Variants in PYGL observed in about 807,000 individuals in gnomAD.
PYGL encodes glycogen phosphorylase L, also known as glycogen phosphorylase, liver form.
A neutral mutation model predicts 100.1 loss-of-function variants in PYGL; 90 were observed. That is an observed-to-expected ratio of 0.90 (90% confidence interval 0.76 to 1.07). PYGL has a LOEUF of 1.07. Among genes scored for constraint, PYGL ranks in the 50% least tolerant of loss-of-function variants. The pLI, the probability that PYGL is intolerant of heterozygous loss-of-function variation, is 0.00. For synonymous variants in PYGL, 373 were observed against 393.0 expected (o/e 0.95, Z 0.60); for missense variants, 1,016 against 1,057.6 (o/e 0.96, Z 0.55).
At chr14:50,926,323 C>T (rs954418691) in intron 4 of PYGL, among the ~76,000 whole-genome samples, 2 of 151,780 alleles carry the variant, frequency 1.3e-5, no homozygotes, top group Non-Finnish European at 2.9e-5. Flanking sequence ...TGTACTCCAC[C>T]CTGGGTGACA....
intron 16 of PYGL, among the ~76,000 whole-genome samples, chr14:50,910,452 T>C (rs77549800): frequency 0.094 from 14,330 of 152,110 alleles, 870 homozygotes; most frequent in African/African-American, 0.18. Flanking sequence ...TTGAAATTTC[T>C]CTTTTTTTCT....
At chr14:50,920,169 C>T (rs887402523) in intron 7 of PYGL, among the ~76,000 whole-genome samples, 3 of 152,082 alleles carry the variant, frequency 2.0e-5, no homozygotes, top group Non-Finnish European at 4.4e-5. Flanking sequence ...AGAGAAGAGG[C>T]GAGGCAGAAA....
chr14:50,905,667 T>C (rs2050327393), intron 19 of PYGL, 111 bp from the exon 20 acceptor site: 1 of 992,440 alleles, frequency 1.0e-6, no homozygotes, highest in African/African-American at 1.6e-5. Flanking sequence ...ATGACAGGAA[T>C]AAATTATAGT....
intron 1 of PYGL, among the ~76,000 whole-genome samples, chr14:50,939,888 C>T (rs2050688956): frequency 1.3e-5 from 2 of 152,122 alleles, no homozygotes; most frequent in South Asian, 4.1e-4. Context: ...TATTTGAAAA[C>T]GTCAACTTGG....
At chr14:50,921,275 GACTGAAACCATCCAC>G (rs1185313389) in intron 5 of PYGL, 5 of 578,790 alleles carry the variant, frequency 8.6e-6, no homozygotes, top group Non-Finnish European at 1.5e-5. Flanking sequence ...ACAATCTAGT[GACTGAAACCATCCAC>G]ACTGATGGTC....
chr14:50,924,176 A>T, intron 4 of PYGL, 76 bp from the exon 5 acceptor site: 1 of 1,512,582 alleles, frequency 6.6e-7, no homozygotes, highest in Non-Finnish European at 9.0e-7. Flanking sequence ...ATATTATATT[A>T]AATTTAAAAC....
chr14:50,936,309 C>CA (rs2050652773), intron 2 of PYGL, among the ~76,000 whole-genome samples: 1 of 151,868 alleles, frequency 6.6e-6, no homozygotes, highest in African/African-American at 2.4e-5. Context: ...GTTGTGCCCC[C>CA]GTTTCCATGG....
intron 4 of PYGL, among the ~76,000 whole-genome samples, chr14:50,931,157 C>CT (rs1491083073): frequency 2.2e-5 from 3 of 134,886 alleles, no homozygotes; most frequent in African/African-American, 9.4e-5. Flanking sequence ...AGGCAAGACT[C>CT]TGAGTGTAGA....
At chr14:50,909,790 T>C (rs1367831622) in intron 17 of PYGL, 105 bp downstream of exon 17, 5 of 1,308,708 alleles carry the variant, frequency 3.8e-6, no homozygotes, top group African/African-American at 1.5e-5. Flanking sequence ...TCTTATGTGA[T>C]CCAATTTCAG....
rs543404106 is a variant in PYGL at position 50,938,723 on chromosome 14, A to C, written c.244-886T>G. ...TTGGCGAAGTAATTCAGTATTTTTTACCCCCGGGGAGAAAAAAAGCAAACT... is the reference window on the plus strand; with the variant it reads ...TTGGCGAAGTAATTCAGTATTTTTTCCCCCCGGGGAGAAAAAAAGCAAACT... On this transcript the variant is annotated intron_variant, in intron 1 of 19. Transcript: ENST00000216392. Among the ~76,000 whole-genome samples the C allele has an allele frequency of 1.7e-3, 251 of 151,882 alleles. 1 individual carries two copies. Among genetic ancestry groups the C allele is most frequent in the African/African-American group, 5.7e-3 (236 of 41,390 alleles).
At chr14:50,940,469 G>A (rs1212742875) in intron 1 of PYGL, among the ~76,000 whole-genome samples, 4 of 152,202 alleles carry the variant, frequency 2.6e-5, no homozygotes, top group Admixed American at 2.0e-4. Flanking sequence ...ATATGTGGTT[G>A]CTCAGAATAA....
chr14:50,921,289 A>G (rs1374111622), intron 5 of PYGL: 4 of 565,598 alleles, frequency 7.1e-6, no homozygotes, highest in Admixed American at 3.0e-5. Flanking sequence ...GAAACCATCC[A>G]CACTGATGGT....
At chr14:50,929,251 C>T (rs2050582096) in intron 4 of PYGL, among the ~76,000 whole-genome samples, 1 of 152,150 alleles carries the variant, frequency 6.6e-6, no homozygotes, top group Admixed American at 6.5e-5. Flanking sequence ...GGGGGTTTCA[C>T]CATGTTGGCT....
Position 50,937,728 on chromosome 14 carries a change from C to T in PYGL, c.345+8G>A, listed in dbSNP as rs372521418. On this transcript the variant is annotated splice_region_variant and intron_variant, in intron 2 of 19. Transcript: ENST00000216392. The stretch of plus-strand genomic sequence containing the variant: ...AGACAGGATGAGAGAAATCTAGGAA[C>T]AATGTACCTGGTAAATGGCCTCATC... The T allele has an allele frequency of 2.5e-6, 4 of 1,605,164 alleles. No individual in the cohort carries two copies. In the African/African-American group the frequency reaches 4.0e-5, roughly 16 times the overall value.
At position 50,920,595 on chromosome 14, in the gene PYGL, C is replaced by T. The variant is rs149149931; in HGVS notation, c.801G>A (p.Val267=). 6.2e-7 allele frequency: 1 copy of T among 1,612,784 alleles called. No homozygotes were observed. Among genetic ancestry groups the T allele is most frequent in the Non-Finnish European group, 8.5e-7 (1 of 1,178,822 alleles). The part of the protein sequence containing the change: ...DFNVGDYIQA[V]LDRNLAENIS... ...TGTTCTCGGCCAGGTTTCGGTCCAG[C>T]ACAGCCTGAATGTAGTCTCCAACAT... Residue 267 remains valine, a synonymous_variant, in exon 7 of 20, where the codon GTG becomes GTA. Transcript: ENST00000216392.
chr14:50,910,079 C>G lies in PYGL; in HGVS notation c.1993G>C (p.Glu665Gln), dbSNP rs781735641. The G allele has an allele frequency of 6.2e-7, 1 of 1,613,982 alleles. No individual in the cohort carries two copies. The highest frequency in any genetic ancestry group is 1.7e-5 in the Admixed American group (1 of 60,024). Residue 665 changes from glutamate (E) to glutamine (Q), a missense_variant, in exon 17 of 20, where the codon GAG becomes CAG. Glu to Gln is a conservative substitution (Grantham distance 29). Coordinates refer to ENST00000216392, the MANE Select transcript of PYGL (RefSeq NM_002863.5). ...TCGGTGCCTGCAGTGGAAATCTGCT[C>G]TGACAGATCTGTGGCTGGAATGACT... ...EKVIPATDLS[E>Q]QISTAGTEAS...
At chr14:50,920,430 T>C in intron 7 of PYGL, 111 bp downstream of exon 7, 2 of 1,081,440 alleles carry the variant, frequency 1.8e-6, no homozygotes. Flanking sequence ...ACGGAGCTTG[T>C]TCTGCACATG....
At chr14:50,930,337 T>C (rs115110819) in intron 4 of PYGL, among the ~76,000 whole-genome samples, 3,312 of 152,306 alleles carry the variant, frequency 0.022, 124 homozygotes, top group African/African-American at 0.076. Context: ...CAGGGAAGTT[T>C]GGTAACCTAG....
chr14:50,920,929 A>G (rs2139178801), intron 6 of PYGL, 27 bp downstream of exon 6: 1 of 1,580,506 alleles, frequency 6.3e-7, no homozygotes, highest in East Asian at 2.2e-5. Flanking sequence ...ACACGCATAA[A>G]GAAACCAAGG....
Sources: gnomAD v4.1 joint callset for allele counts (sites outside exome capture counted in the v4.1 genomes callset) on GRCh38, gnomAD v4.1.1 for gene constraint, MANE v1.5 for transcripts, NCBI Gene and HGNC (gene_info 2026-07-23, HGNC 2026-07-21) for gene names.